The following PAK5 variants were observed in gnomAD, a reference collection of about 807,000 sequenced individuals.
The protein encoded by PAK5 is p21 (RAC1) activated kinase 5, also known as serine/threonine-protein kinase PAK 5.
In PAK5, 16 loss-of-function variants were observed where a neutral mutation model predicts 65.9. That is an observed-to-expected ratio of 0.24 (90% confidence interval 0.16 to 0.37). The LOEUF is 0.37. Among genes scored for constraint, PAK5 ranks in the 10% least tolerant of loss-of-function variants. The pLI, the probability that PAK5 is intolerant of heterozygous loss-of-function variation, is 1.00. For synonymous variants in PAK5, 371 were observed against 354.9 expected (o/e 1.05, Z -0.51); for missense variants, 785 against 903.9 (o/e 0.87, Z 1.69).
intron 3 of PAK5, among the ~76,000 whole-genome samples, chr20:9,582,732 T>C (rs1309304823): frequency 2.0e-5 from 3 of 152,188 alleles, no homozygotes; most frequent in Admixed American, 2.0e-4. Flanking sequence ...GGAATTCTTC[T>C]GCACAGGAGA....
At chr20:9,543,852 A>G (rs778251638) in intron 8 of PAK5, among the ~76,000 whole-genome samples, 4 of 152,182 alleles carry the variant, frequency 2.6e-5, no homozygotes, top group Non-Finnish European at 2.9e-5. Flanking sequence ...GGAAACAGAA[A>G]TTGTGCCATG....
intron 1 of PAK5, among the ~76,000 whole-genome samples, chr20:9,730,127 T>A (rs186111110): frequency 6.6e-6 from 1 of 151,174 alleles, no homozygotes; most frequent in Admixed American, 6.6e-5. Context: ...ACATGTAAAA[T>A]AATTAGTTAT....
At chr20:9,600,910 CT>C (rs1341382488) in intron 3 of PAK5, among the ~76,000 whole-genome samples, 4 of 152,106 alleles carry the variant, frequency 2.6e-5, no homozygotes, top group African/African-American at 9.7e-5. Flanking sequence ...GAGAGTTTTC[CT>C]GTCTGCATAG....
At chr20:9,821,756 G>A (rs980291410) in intron 1 of PAK5, among the ~76,000 whole-genome samples, 6 of 152,136 alleles carry the variant, frequency 3.9e-5, no homozygotes, top group African/African-American at 1.2e-4. Context: ...TAACACTTGC[G>A]TTTCTGCTCT....
chr20:9,540,294 C>T (rs1169379913), intron 9 of PAK5, among the ~76,000 whole-genome samples: 3 of 152,204 alleles, frequency 2.0e-5, no homozygotes, highest in Non-Finnish European at 4.4e-5. Flanking sequence ...CATACATTTA[C>T]CCCTATTTAC....
intron 2 of PAK5, among the ~76,000 whole-genome samples, chr20:9,674,147 T>C (rs912045874): frequency 3.3e-5 from 5 of 152,180 alleles, no homozygotes; most frequent in African/African-American, 9.7e-5. Context: ...AGAAACAGAA[T>C]GAGAATGGCA....
rs1377278915 is a variant in PAK5 at position 9,580,187 on chromosome 20, G to A, written c.948C>T (p.Tyr316=). Residue 316 remains tyrosine (Y), a synonymous_variant, in exon 4 of 10, where the codon TAC becomes TAT. Transcript: ENST00000353224. ...TGGGCTCGGACAAGCGAGGGTAGGT[G>A]TAGGAGTTGTAGGAGTGTCCTTGGG... ...THPQGHSYNS[Y]TYPRLSEPTM... The A allele has an allele frequency of 3.1e-6, 5 of 1,613,954 alleles. No homozygotes were observed. In the African/African-American group the frequency reaches 6.7e-5, roughly 22 times the overall value.
intron 1 of PAK5, among the ~76,000 whole-genome samples, chr20:9,830,053 C>T (rs1282039138): frequency 6.6e-6 from 1 of 152,180 alleles, no homozygotes; most frequent in Non-Finnish European, 1.5e-5. Context: ...CCCAGCTATG[C>T]AGAGCAAGGC....
Position 9,756,711 on chromosome 20 carries a change from G to GA in PAK5, c.-161-45277dup, listed in dbSNP as rs2048638180. On this transcript the variant is annotated intron_variant, in intron 1 of 9. Coordinates refer to ENST00000353224, the MANE Select transcript of PAK5 (RefSeq NM_177990.4). ...TCTTTTTACATCGTAATTGGCTCCT[G>GA]AAAAAATTAAAACAATGTATATAGC... Among the ~76,000 whole-genome samples, 3 of 152,052 alleles carry GA rather than the reference G, an allele frequency of 2.0e-5. No homozygotes were observed. In the South Asian group the frequency reaches 6.2e-4, roughly 31 times the overall value.
At chr20:9,655,261 A>G (rs1182273209) in intron 2 of PAK5, among the ~76,000 whole-genome samples, 3 of 152,244 alleles carry the variant, frequency 2.0e-5, no homozygotes, top group African/African-American at 7.2e-5. Context: ...AAAGAAGCAT[A>G]CAAAACAAAA....
At chr20:9,559,057 T>C (rs990668051) in intron 6 of PAK5, among the ~76,000 whole-genome samples, 2 of 152,200 alleles carry the variant, frequency 1.3e-5, no homozygotes, top group African/African-American at 4.8e-5. Flanking sequence ...TGGATTTTCC[T>C]AATGAGTGAA....
At chr20:9,616,522 A>G (rs1270251154) in intron 3 of PAK5, among the ~76,000 whole-genome samples, 1 of 152,196 alleles carries the variant, frequency 6.6e-6, no homozygotes, top group East Asian at 1.9e-4. Context: ...ACTTTAACAC[A>G]TATATACATC....
At chr20:9,679,117 T>G (rs2047615323) in intron 2 of PAK5, among the ~76,000 whole-genome samples, 1 of 152,214 alleles carries the variant, frequency 6.6e-6, no homozygotes, top group African/African-American at 2.4e-5. Context: ...TGAAGATATA[T>G]ACAATGGTCC....
At chr20:9,544,310 C>T in intron 8 of PAK5, 59 bp downstream of exon 8, 3 of 1,575,408 alleles carry the variant, frequency 1.9e-6, no homozygotes, top group South Asian at 2.3e-5. Context: ...TATCTCAGAA[C>T]CAATGGGTCC....
intron 1 of PAK5, among the ~76,000 whole-genome samples, chr20:9,763,926 A>G (rs898379899): frequency 2.6e-5 from 4 of 152,170 alleles, no homozygotes; most frequent in Admixed American, 2.6e-4. Flanking sequence ...AATCACCTGA[A>G]TGTACCTGCA....
At chr20:9,544,327 C>T (rs1359598770) in intron 8 of PAK5, 42 bp downstream of exon 8, 2 of 1,604,296 alleles carry the variant, frequency 1.2e-6, no homozygotes, top group Admixed American at 3.4e-5. Context: ...GTCCCTGAGC[C>T]TGTCCCCAGT....
In PAK5 at chr20:9,614,030, C is replaced by T. The variant is rs147279272; in HGVS notation, c.204+30095G>A. Among the ~76,000 whole-genome samples, 23 of 152,278 alleles carry T rather than the reference C, an allele frequency of 1.5e-4. No individual in the cohort carries two copies. The East Asian group carries it at 2.9e-3, about 19-fold the overall frequency. On this transcript the variant is annotated intron_variant, in intron 3 of 9. Transcript: ENST00000353224. ...GTCAGAACCAGACTCAGCTATGGCA[C>T]GGATGTTGGAACTATGAGACTGGGG...
At chr20:9,734,291 A>T (rs528098749) in intron 1 of PAK5, among the ~76,000 whole-genome samples, 13 of 152,318 alleles carry the variant, frequency 8.5e-5, no homozygotes, top group Non-Finnish European at 1.5e-4. Flanking sequence ...AGCAGGCCAA[A>T]GGTCTGTTTG....
intron 1 of PAK5, among the ~76,000 whole-genome samples, chr20:9,812,222 G>A (rs2049305483): frequency 6.6e-6 from 1 of 151,446 alleles, no homozygotes; most frequent in African/African-American, 2.4e-5. Context: ...GAAAATATTT[G>A]AATAACATAC....
Sources: allele counts gnomAD v4.1 joint callset (sites outside exome capture counted in the v4.1 genomes callset), GRCh38; gene constraint gnomAD v4.1.1; transcripts MANE v1.5; gene names NCBI Gene and HGNC (gene_info 2026-07-23, HGNC 2026-07-21).